MICU1: variants seen among roughly 807,000 people sequenced by gnomAD.
The protein encoded by MICU1 is calcium uptake protein 1, mitochondrial.
A neutral mutation model predicts 56.8 loss-of-function variants in MICU1; 45 were observed. The observed-to-expected ratio is 0.79, with a 90% CI of 0.62 to 1.02. The LOEUF (loss-of-function observed/expected upper bound fraction) is 1.02, where lower values mean the gene tolerates loss of function less well. Ranked by LOEUF, MICU1 falls within the 50% of genes least tolerant of loss-of-function variation. MICU1 has a pLI of 0.00. For missense variants in MICU1, 504 were observed against 587.1 expected, an observed-to-expected ratio of 0.86 and a Z score of 1.46; for synonymous variants, 186 against 195.1, an observed-to-expected ratio of 0.95 and a Z score of 0.39.
At chr10:72,546,146 A>T (rs1300752625) in intron 4 of MICU1, among the ~76,000 whole-genome samples, 1 of 152,184 alleles carries the variant, frequency 6.6e-6, no homozygotes, top group Non-Finnish European at 1.5e-5. Context: ...TTCTTGTCTT[A>T]ACTGAACTTC....
intron 5 of MICU1, chr10:72,509,352 G>A: frequency 7.5e-7 from 1 of 1,327,486 alleles, no homozygotes; most frequent in Non-Finnish European, 9.9e-7. Flanking sequence ...AAACCAACAA[G>A]CACCATCACA....
intron 8 of MICU1, 93 bp downstream of exon 8, chr10:72,475,007 G>A: frequency 1.8e-6 from 2 of 1,082,610 alleles, no homozygotes; most frequent in Non-Finnish European, 1.3e-6. Context: ...AGTTCTCACA[G>A]CTGGAGGTAA....
At chr10:72,388,848 T>C (rs564120713) in intron 10 of MICU1, among the ~76,000 whole-genome samples, 103 of 152,106 alleles carry the variant, frequency 6.8e-4, no homozygotes, top group Non-Finnish European at 4.6e-4. Context: ...CACGACGATG[T>C]GGAAAGAACA....
chr10:72,443,405 T>C (rs1392751983), intron 8 of MICU1, among the ~76,000 whole-genome samples: 1 of 152,252 alleles, frequency 6.6e-6, no homozygotes, highest in South Asian at 2.1e-4. Context: ...TTGGCTTTTG[T>C]TGCCATTGTT....
intron 1 of MICU1, among the ~76,000 whole-genome samples, chr10:72,579,598 T>C (rs1840843993): frequency 6.6e-6 from 1 of 151,794 alleles, no homozygotes; most frequent in African/African-American, 2.4e-5. Context: ...TTATTAATAG[T>C]ATGTTTTTTT....
chr10:72,490,277 T>C (rs574901742), intron 6 of MICU1, among the ~76,000 whole-genome samples: 3 of 152,308 alleles, frequency 2.0e-5, no homozygotes, highest in African/African-American at 7.2e-5. Context: ...CTGAACAAGA[T>C]GTAGGTGAAA....
intron 1 of MICU1, among the ~76,000 whole-genome samples, chr10:72,620,632 A>G (rs755170704): frequency 3.9e-4 from 59 of 152,218 alleles, no homozygotes; most frequent in Non-Finnish European, 7.5e-4. Flanking sequence ...CTTGAACTTA[A>G]TATTAGTCTA....
chr10:72,473,764 AAAC>A (rs1866020622), intron 8 of MICU1, among the ~76,000 whole-genome samples: 1 of 152,214 alleles, frequency 6.6e-6, no homozygotes, highest in African/African-American at 2.4e-5. Context: ...ACATTGAACA[AAAC>A]AACACAATTG....
intron 6 of MICU1, among the ~76,000 whole-genome samples, chr10:72,489,017 T>C (rs1185408732): frequency 6.6e-6 from 1 of 152,166 alleles, no homozygotes; most frequent in East Asian, 1.9e-4. Flanking sequence ...GGCCGGGCAC[T>C]GTAGCTCATG....
Position 72,540,283 on chromosome 10 carries a change from A to G in MICU1, c.494-6494T>C, listed in dbSNP as rs991285753. Among the ~76,000 whole-genome samples, 23 of 151,950 alleles carry G rather than the reference A, an allele frequency of 1.5e-4. 1 individual carries two copies. The highest frequency in any genetic ancestry group is 4.6e-4 in the African/African-American group (19 of 41,502). On this transcript the variant is annotated intron_variant, in intron 4 of 11. Transcript: ENST00000361114. ...ACTCCATCTCAAAAAAAAAAAAAAA[A>G]AAAGAAAAGAGAAAGAAAATAACTT... is the stretch of plus-strand genomic sequence containing the variant.
At chr10:72,500,740 T>C (rs1867043607) in intron 6 of MICU1, among the ~76,000 whole-genome samples, 1 of 152,210 alleles carries the variant, frequency 6.6e-6, no homozygotes, top group South Asian at 2.1e-4. Context: ...CACAATAATA[T>C]TTCATAATTG....
At chr10:72,377,188 C>G (rs10823917) in intron 10 of MICU1, among the ~76,000 whole-genome samples, 71,736 of 151,860 alleles carry the variant, frequency 0.47, 19,643 homozygotes, top group Non-Finnish European at 0.64. Context: ...GGCACGATCT[C>G]GGCTCACTGC....
intron 6 of MICU1, among the ~76,000 whole-genome samples, chr10:72,486,433 G>A (rs1866477298): frequency 1.3e-5 from 2 of 152,244 alleles, no homozygotes; most frequent in Admixed American, 6.5e-5. Flanking sequence ...ATGAGACCAT[G>A]GAGAGTTTAT....
intron 8 of MICU1, among the ~76,000 whole-genome samples, chr10:72,431,492 G>A (rs1051040469): frequency 1.3e-5 from 2 of 152,004 alleles, no homozygotes; most frequent in African/African-American, 4.8e-5. Flanking sequence ...TCAGTTTTTT[G>A]CTATTAGGAA....
intron 6 of MICU1, among the ~76,000 whole-genome samples, chr10:72,488,220 A>T (rs980445959): frequency 1.5e-4 from 23 of 151,384 alleles, no homozygotes; most frequent in African/African-American, 5.3e-4. Context: ...AAAAAAATTA[A>T]AAAAAAATTG....
intron 9 of MICU1, among the ~76,000 whole-genome samples, chr10:72,413,217 CA>C (rs1360459738): frequency 1.0e-4 from 15 of 148,788 alleles, no homozygotes; most frequent in African/African-American, 3.9e-4. Context: ...AAAACAAAAA[CA>C]AAAACAAAAC....
At chr10:72,464,594 G>T (rs181482764) in intron 8 of MICU1, among the ~76,000 whole-genome samples, 1 of 152,200 alleles carries the variant, frequency 6.6e-6, no homozygotes, top group African/African-American at 2.4e-5. Flanking sequence ...ATAGCCTATG[G>T]TATACCTATA....
Position 72,402,539 on chromosome 10 carries a change from T to C in MICU1, c.1180+5390A>G, listed in dbSNP as rs116590967. Among the ~76,000 whole-genome samples, 301 of 151,882 alleles carry C rather than the reference T, an allele frequency of 2.0e-3. 2 individuals carry two copies. The highest frequency in any genetic ancestry group is 6.9e-3 in the African/African-American group (286 of 41,394). ...TGCTACTGGGTTGCCGTCTTCAAAC[T>C]TGGCCCAAATAAACTTTAGGTATAT... is the stretch of plus-strand genomic sequence containing the variant. On this transcript the variant is annotated intron_variant, in intron 10 of 11. Transcript: ENST00000361114.
intron 5 of MICU1, among the ~76,000 whole-genome samples, chr10:72,524,146 A>G (rs1055442180): frequency 4.6e-5 from 7 of 152,178 alleles, no homozygotes; most frequent in South Asian, 4.1e-4. Flanking sequence ...TTTTAGAGAC[A>G]GGGTCTCACT....
Sources: gnomAD v4.1 joint callset for allele counts (sites outside exome capture counted in the v4.1 genomes callset) on GRCh38, gnomAD v4.1.1 for gene constraint, MANE v1.5 for transcripts, NCBI Gene and HGNC (gene_info 2026-07-23, HGNC 2026-07-21) for gene names.